The following ICA1L variants were observed in gnomAD, a reference collection of about 807,000 sequenced individuals.
ICA1L encodes islet cell autoantigen 1-like protein.
In ICA1L, 50 loss-of-function variants were observed where a neutral mutation model predicts 61.3. The ratio of observed to expected loss-of-function variants is 0.82; its 90% confidence interval spans 0.65 to 1.03. The LOEUF is 1.03. Ranked by LOEUF, ICA1L falls within the 50% of genes least tolerant of loss-of-function variation. The probability of loss-of-function intolerance (pLI) is 0.00; values close to 1 mark genes in which losing one functional copy is unlikely to be tolerated. For synonymous variants in ICA1L, 161 were observed against 191.3 expected, an observed-to-expected ratio of 0.84 and a Z score of 1.31; for missense variants, 508 against 556.7, an observed-to-expected ratio of 0.91 and a Z score of 0.88.
At chr2:202,781,787 A>C (rs960737596) in intron 12 of ICA1L, among the ~76,000 whole-genome samples, 2 of 152,114 alleles carry the variant, frequency 1.3e-5, no homozygotes, top group Admixed American at 1.3e-4. Context: ...TTAGGAGTGG[A>C]ATTGCTTGGT....
In ICA1L at chr2:202,819,911, G is replaced by C; in HGVS notation, c.360-12C>G. On this transcript the variant is annotated splice_polypyrimidine_tract_variant and intron_variant, in intron 4 of 12. Transcript: ENST00000358299. ...TACACAGGGCCAATCTAATGGCAGAGAGGTAAAAATCAGAGGGTTGAACAC... is the reference window on the plus strand; with the variant it reads ...TACACAGGGCCAATCTAATGGCAGACAGGTAAAAATCAGAGGGTTGAACAC... The C allele has an allele frequency of 2.5e-6, 4 of 1,608,188 alleles. No homozygotes were observed. Among genetic ancestry groups the C allele is most frequent in the Non-Finnish European group, 2.6e-6 (3 of 1,175,244 alleles).
At chr2:202,784,108 A>G (rs1692501249) in intron 12 of ICA1L, among the ~76,000 whole-genome samples, 1 of 152,210 alleles carries the variant, frequency 6.6e-6, no homozygotes, top group Non-Finnish European at 1.5e-5. Context: ...CACAGGAACA[A>G]TGTGAGCACC....
chr2:202,774,403 C>T lies in ICA1L; in HGVS notation c.*5130G>A, dbSNP rs1244932718. The T allele has an allele frequency of 3.8e-6, 4 of 1,045,858 alleles. No individual in the cohort carries two copies. The African/African-American group carries it at 5.2e-5, about 13-fold the overall frequency. The allele number at this position is 1,045,858 out of a possible 1,614,324, so 64.8% of individuals were successfully genotyped here. The stretch of plus-strand genomic sequence containing the variant: ...AGACCAGGCCTCACTGCGCCTCCAA[C>T]AGCCAGGGTCGAGCCCCTGGCTCCC... On this transcript the variant is annotated 3_prime_UTR_variant, in exon 13 of 13. Transcript: ENST00000358299.
chr2:202,866,115 C>T (rs938655373), intron 1 of ICA1L, among the ~76,000 whole-genome samples: 3 of 152,180 alleles, frequency 2.0e-5, no homozygotes, highest in African/African-American at 7.2e-5. Flanking sequence ...GACAAGGGCA[C>T]TGACATAGTT....
At chr2:202,837,137 C>T (rs547654827) in intron 1 of ICA1L, among the ~76,000 whole-genome samples, 13 of 151,930 alleles carry the variant, frequency 8.6e-5, no homozygotes, top group African/African-American at 2.9e-4. Context: ...CCACTGCACC[C>T]GGCCTGTGTA....
Position 202,794,556 on chromosome 2 carries a change from A to T in ICA1L, c.985+2334T>A, listed in dbSNP as rs1692858478. On this transcript the variant is annotated intron_variant, in intron 10 of 12. Transcript: ENST00000358299. ...AGGTAGTAGCCAATGTAATTAAACAAGAGAAATCTATGAGTTGGTAAGAAG... is the reference window on the plus strand; with the variant it reads ...AGGTAGTAGCCAATGTAATTAAACATGAGAAATCTATGAGTTGGTAAGAAG... Among the ~76,000 whole-genome samples, 3 of 151,932 alleles carry T rather than the reference A, an allele frequency of 2.0e-5. No homozygotes were observed. The South Asian group carries it at 6.6e-4, about 33-fold the overall frequency.
At chr2:202,803,495 G>C (rs556754463) in intron 9 of ICA1L, among the ~76,000 whole-genome samples, 67 of 150,916 alleles carry the variant, frequency 4.4e-4, no homozygotes, top group African/African-American at 1.6e-3. Context: ...ATAAAAGAAA[G>C]CTAGTTATGC....
intron 10 of ICA1L, among the ~76,000 whole-genome samples, chr2:202,790,837 A>ACACT (rs1692725105): frequency 2.6e-5 from 4 of 152,194 alleles, no homozygotes; most frequent in Admixed American, 2.6e-4. Context: ...AGCAAGGATG[A>ACACT]CACTCAGAAA....
intron 1 of ICA1L, among the ~76,000 whole-genome samples, chr2:202,854,334 A>G (rs1204255031): frequency 6.6e-6 from 1 of 152,234 alleles, no homozygotes; most frequent in Non-Finnish European, 1.5e-5. Flanking sequence ...TGCAACAAGA[A>G]GAGCTAACTA....
chr2:202,863,020 G>A (rs543832579), intron 1 of ICA1L, among the ~76,000 whole-genome samples: 22 of 151,994 alleles, frequency 1.4e-4, no homozygotes, highest in Non-Finnish European at 2.2e-4. Flanking sequence ...AGGCTGGCAC[G>A]GTGGCTCACG....
At position 202,785,898 on chromosome 2, in the gene ICA1L, T is replaced by C. The variant is rs187142965; in HGVS notation, c.1333+20A>G. The C allele has an allele frequency of 2.1e-4, 268 of 1,293,776 alleles. No homozygotes were observed. The African/African-American group carries it at 3.4e-3, about 16-fold the overall frequency. 80.1% of individuals were successfully genotyped at this position (1,293,776 alleles called of 1,614,324 possible). ...TGATTCTTAAAGCAATGATAAAGAA[T>C]ATATAAATAAATAACTTACATCTTG... On this transcript the variant is annotated intron_variant, in intron 12 of 12. Transcript: ENST00000358299.
Position 202,793,427 on chromosome 2 carries a change from C to T in ICA1L, c.985+3463G>A, listed in dbSNP as rs144079737. 4.4e-3 allele frequency among the ~76,000 whole-genome samples: 556 copies of T among 127,202 alleles called. 5 individuals carry two copies. The highest frequency in any genetic ancestry group is 0.016 in the African/African-American group (530 of 34,040). 83.4% of individuals were successfully genotyped at this position (127,202 alleles called of 152,430 possible). On this transcript the variant is annotated intron_variant, in intron 10 of 12. Transcript: ENST00000358299. ...ATCCCAGCACTTTGGGAAGCTGAGG[C>T]GGGCGGATCATCTGAGGTCAGGAGT...
At chr2:202,796,577 G>T (rs1234278937) in intron 10 of ICA1L, among the ~76,000 whole-genome samples, 1 of 152,116 alleles carries the variant, frequency 6.6e-6, no homozygotes, top group East Asian at 1.9e-4. Flanking sequence ...AATGACACTA[G>T]ATATACAAAC....
intron 9 of ICA1L, among the ~76,000 whole-genome samples, chr2:202,808,102 T>A (rs1693274449): frequency 6.6e-6 from 1 of 151,774 alleles, no homozygotes; most frequent in Admixed American, 6.6e-5. Context: ...GAGGAAAGAG[T>A]AAAGGAACTT....
Position 202,845,350 on chromosome 2 carries a change from G to A in ICA1L, c.-7-16334C>T, listed in dbSNP as rs189379714. Among the ~76,000 whole-genome samples the A allele has an allele frequency of 1.4e-3, 219 of 152,256 alleles. 1 individual carries two copies. The highest frequency in any genetic ancestry group is 2.6e-3 in the African/African-American group (108 of 41,550). On this transcript the variant is annotated intron_variant, in intron 1 of 12. Coordinates refer to ENST00000358299, the MANE Select transcript of ICA1L (RefSeq NM_001288622.3). ...TCTTCATAAAAGATACTTGAGGCCC[G>A]GCATGGTGGCTCATACCTGTAATCC...
chr2:202,859,933 G>A (rs1383597680), intron 1 of ICA1L, among the ~76,000 whole-genome samples: 1 of 152,010 alleles, frequency 6.6e-6, no homozygotes, highest in African/African-American at 2.4e-5. Flanking sequence ...AAAGGAAGTA[G>A]CCAAGACCCT....
chr2:202,812,286 C>A (rs1309897440), intron 8 of ICA1L, among the ~76,000 whole-genome samples: 1 of 152,100 alleles, frequency 6.6e-6, no homozygotes, highest in Admixed American at 6.6e-5. Flanking sequence ...AAAGTTAAGA[C>A]AAAGAAATAG....
chr2:202,819,992 A>C, intron 4 of ICA1L, 93 bp from the exon 5 acceptor site: 1 of 927,356 alleles, frequency 1.1e-6, no homozygotes, highest in Non-Finnish European at 1.6e-6. Context: ...ATTTGCTAAC[A>C]AGATGAATCT....
intron 9 of ICA1L, among the ~76,000 whole-genome samples, chr2:202,802,122 A>G (rs1004942870): frequency 6.6e-6 from 1 of 152,234 alleles, no homozygotes; most frequent in African/African-American, 2.4e-5. Flanking sequence ...AATTAGGCAA[A>G]TTAATAAAAC....
Sources: allele counts gnomAD v4.1 joint callset (sites outside exome capture counted in the v4.1 genomes callset), GRCh38; gene constraint gnomAD v4.1.1; transcripts MANE v1.5; gene names NCBI Gene and HGNC (gene_info 2026-07-23, HGNC 2026-07-21).